The following PRSS23 variants were observed in gnomAD, a reference collection of about 807,000 sequenced individuals.
The protein encoded by PRSS23 is protease, serine 23.
A neutral mutation model predicts 34.7 loss-of-function variants in PRSS23; 25 were observed. The ratio of observed to expected loss-of-function variants is 0.72; its 90% confidence interval spans 0.53 to 1.01. The LOEUF (loss-of-function observed/expected upper bound fraction) is 1.01. Ranked by LOEUF, PRSS23 falls within the 50% of genes least tolerant of loss-of-function variation. The pLI is 0.00. For synonymous variants in PRSS23, 176 were observed against 186.6 expected, an observed-to-expected ratio of 0.94 and a Z score of 0.46; for missense variants, 445 against 475.6, an observed-to-expected ratio of 0.94 and a Z score of 0.60.
intron 1 of PRSS23, among the ~76,000 whole-genome samples, chr11:86,791,781 C>T (rs1269716331): frequency 1.3e-5 from 2 of 152,186 alleles, no homozygotes; most frequent in South Asian, 2.1e-4. Context: ...GGTGGCTCCC[C>T]GTGGCACACC....
chr11:86,878,782 G>A (rs369269245), intron 2 of PRSS23, among the ~76,000 whole-genome samples: 11 of 151,650 alleles, frequency 7.3e-5, no homozygotes, highest in South Asian at 4.2e-4. Context: ...AGTGAGGAGC[G>A]TCTCTGCCCG....
intron 2 of PRSS23, among the ~76,000 whole-genome samples, chr11:86,927,307 TA>T (rs1348398808): frequency 6.6e-6 from 1 of 152,166 alleles, no homozygotes. Flanking sequence ...GTCTCACAGC[TA>T]ATATCAGAGC....
Position 86,859,167 on chromosome 11 carries a change from C to G in PRSS23, c.206+35574C>G, listed in dbSNP as rs528311687. Among the ~76,000 whole-genome samples, 3 of 151,834 alleles carry G rather than the reference C, an allele frequency of 2.0e-5. No homozygotes were observed. In the East Asian group the frequency reaches 5.8e-4, roughly 30 times the overall value. On this transcript the variant is annotated intron_variant, in intron 2 of 2. Coordinates refer to the PRSS23 transcript ENST00000533902. The stretch of plus-strand genomic sequence containing the variant: ...CTCCCTATATCAGGGGAAGTGACAC[C>G]CCCCTGTGATCTTGTTCCTAATATC...
intron 2 of PRSS23, among the ~76,000 whole-genome samples, chr11:86,830,597 A>G (rs1248308692): frequency 6.6e-6 from 1 of 152,162 alleles, no homozygotes; most frequent in Non-Finnish European, 1.5e-5. Flanking sequence ...TCATGCTGGG[A>G]GCTGTAGACC....
chr11:86,824,027 A>G (rs2134877679), intron 2 of PRSS23, among the ~76,000 whole-genome samples: 2 of 150,552 alleles, frequency 1.3e-5, no homozygotes, highest in South Asian at 4.2e-4. Flanking sequence ...AAAAAAAAAA[A>G]AAAAGAATTC....
chr11:86,799,109 C>G (rs1174282879), upstream of PRSS23, among the ~76,000 whole-genome samples: 2 of 151,936 alleles, frequency 1.3e-5, no homozygotes, highest in Non-Finnish European at 2.9e-5. Context: ...TAAGAAATAC[C>G]AGGCCGGGAG....
At chr11:86,837,179 G>T (rs1215679081) in intron 2 of PRSS23, 2 of 152,142 alleles carry the variant, frequency 1.3e-5, no homozygotes, top group African/African-American at 4.8e-5. Context: ...TTAAGAAAAA[G>T]TTTATCCTAA....
intron 2 of PRSS23, chr11:86,933,507 G>C (rs1318688945): frequency 6.6e-6 from 1 of 152,244 alleles, no homozygotes; most frequent in Non-Finnish European, 1.5e-5. Context: ...AGGGAAAAGA[G>C]AAAGTACTGC....
At chr11:86,873,016 ACT>A (rs1346234901) in intron 2 of PRSS23, among the ~76,000 whole-genome samples, 1 of 151,814 alleles carries the variant, frequency 6.6e-6, no homozygotes, top group Non-Finnish European at 1.5e-5. Flanking sequence ...CTATTAATTA[ACT>A]CTGAATTTTT....
intron 2 of PRSS23, among the ~76,000 whole-genome samples, chr11:86,841,064 G>C (rs181134997): frequency 6.6e-6 from 1 of 152,256 alleles, no homozygotes; most frequent in African/African-American, 2.4e-5. Flanking sequence ...GGAAGGCCAG[G>C]CGAGGTGGCA....
At chr11:86,948,241 CAG>C (rs1194633109) in intron 2 of PRSS23, 1 of 152,076 alleles carries the variant, frequency 6.6e-6, no homozygotes, top group Non-Finnish European at 1.5e-5. Context: ...GACAGTGAAA[CAG>C]ATGGGAATTC....
Position 86,808,861 on chromosome 11 carries a change from T to A in PRSS23, c.*66T>A, listed in dbSNP as rs1948142552. On this transcript the variant is annotated 3_prime_UTR_variant, in exon 2 of 2. Transcript: ENST00000280258. The stretch of plus-strand genomic sequence containing the variant: ...TCTTATTTTAGGAGAGGCCAAATTG[T>A]TTTTTGTCATTGGCGTGCACACGTG... The A allele has an allele frequency of 5.0e-6, 7 of 1,397,542 alleles. No homozygotes were observed. Among genetic ancestry groups the A allele is most frequent in the Non-Finnish European group, 6.9e-6 (7 of 1,017,676 alleles). The allele number at this position is 1,397,542 out of a possible 1,614,324, so 86.6% of individuals were successfully genotyped here.
chr11:86,849,262 T>G (rs975556842), intron 2 of PRSS23, among the ~76,000 whole-genome samples: 2 of 152,214 alleles, frequency 1.3e-5, no homozygotes, highest in Non-Finnish European at 2.9e-5. Flanking sequence ...AACCAGGTAT[T>G]ACTCTCACCT....
At chr11:86,950,365 G>A (rs1164239627) in intron 2 of PRSS23, 1 of 152,624 alleles carries the variant, frequency 6.6e-6, no homozygotes, top group Admixed American at 6.5e-5. Flanking sequence ...GCATGCTGCA[G>A]TACAAAAATT....
At chr11:86,945,543 C>T (rs1048955608) in intron 2 of PRSS23, 2 of 152,082 alleles carry the variant, frequency 1.3e-5, no homozygotes, top group Admixed American at 6.5e-5. Context: ...AGAGCCCCAG[C>T]AAAAAAGAAA....
chr11:86,911,210 GAGC>G (rs1948974841), intron 2 of PRSS23: 1 of 152,056 alleles, frequency 6.6e-6, no homozygotes, highest in Admixed American at 6.6e-5. Context: ...AAATAAAAAA[GAGC>G]AGGAGAGTAT....
intron 2 of PRSS23, among the ~76,000 whole-genome samples, chr11:86,939,379 TC>T (rs1475664222): frequency 8.5e-6 from 1 of 117,438 alleles, no homozygotes; most frequent in Non-Finnish European, 1.9e-5. Flanking sequence ...TTTCCAGTGT[TC>T]CTATTTCTCA....
At chr11:86,867,874 C>CAAAAAA (rs11352878) in intron 2 of PRSS23, among the ~76,000 whole-genome samples, 35 of 118,264 alleles carry the variant, frequency 3.0e-4, no homozygotes, top group Non-Finnish European at 3.9e-4. Flanking sequence ...GACCCTACCT[C>CAAAAAA]AAAAAAAAAA....
rs1405258974 is a variant in PRSS23, at chr11:86,808,258, G to A, written c.615G>A (p.Gly205=). Residue 205 remains glycine, a synonymous_variant, in exon 2 of 2, where the codon GGG becomes GGA. Transcript: ENST00000280258. ...LKPKFKDGGR[G]ANDSTSAMPE... ...CCAAGTTTAAAGATGGTGGTCGAGGGGCCAACGACTCCACTTCAGCCATGC... is the reference window on the plus strand; with the variant it reads ...CCAAGTTTAAAGATGGTGGTCGAGGAGCCAACGACTCCACTTCAGCCATGC... The A allele has an allele frequency of 6.2e-7, 1 of 1,613,950 alleles. No individual in the cohort carries two copies. The highest frequency in any genetic ancestry group is 8.5e-7 in the Non-Finnish European group (1 of 1,180,044).
Sources: allele counts gnomAD v4.1 joint callset (sites outside exome capture counted in the v4.1 genomes callset), GRCh38; gene constraint gnomAD v4.1.1; transcripts MANE v1.5; gene names NCBI Gene and HGNC (gene_info 2026-07-23, HGNC 2026-07-21).